The following AGAP1 variants were observed in gnomAD, a reference collection of about 807,000 sequenced individuals.
The protein encoded by AGAP1 is arf-GAP with GTPase, ANK repeat and PH domain-containing protein 1.
Under a neutral mutation model 105.3 loss-of-function variants are expected in AGAP1, and 29 were observed. The ratio of observed to expected loss-of-function variants is 0.28; its 90% CI spans 0.21 to 0.38. The LOEUF (loss-of-function observed/expected upper bound fraction) is 0.38, where lower values mean the gene tolerates loss of function less well. Among genes scored for constraint, AGAP1 ranks in the 10% least tolerant of loss-of-function variants. AGAP1 has a pLI of 1.00. For synonymous variants in AGAP1, 509 were observed against 485.9 expected (o/e 1.05, Z -0.63); for missense variants, 998 against 1,165.1 (o/e 0.86, Z 2.09).
chr2:235,670,816 G>A (rs1948367070), intron 1 of AGAP1: 4 of 1,424,430 alleles, frequency 2.8e-6, no homozygotes, highest in Non-Finnish European at 3.7e-6. Flanking sequence ...ACCGCACGCT[G>A]GACAACAGCG....
chr2:235,741,976 A>G lies in AGAP1; in HGVS notation c.396+928A>G, dbSNP rs1392811929. Among the ~76,000 whole-genome samples the G allele has an allele frequency of 6.6e-6, 1 of 151,936 alleles. No homozygotes were observed. Among genetic ancestry groups the G allele is most frequent in the Non-Finnish European group, 1.5e-5 (1 of 67,976 alleles). ...CACCATGTTAGCCAGGATGGTCTCG[A>G]TCTCCTGACCTCGTGATCCACTCAC... is the stretch of plus-strand genomic sequence containing the variant. On this transcript the variant is annotated intron_variant, in intron 4 of 17. Transcript: ENST00000304032. This position sits in a 1 kb window ranked among gnomAD's most constrained non-coding sequence, Gnocchi z 4.9.
intron 9 of AGAP1, among the ~76,000 whole-genome samples, chr2:235,808,626 G>A (rs1434318893): frequency 1.3e-5 from 2 of 152,160 alleles, no homozygotes; most frequent in Admixed American, 1.3e-4. Flanking sequence ...CCGGGAGCAA[G>A]CTTTCTCCTT....
At chr2:235,863,583 C>T (rs2049023447) in intron 9 of AGAP1, among the ~76,000 whole-genome samples, 1 of 152,174 alleles carries the variant, frequency 6.6e-6, no homozygotes, top group Non-Finnish European at 1.5e-5. Context: ...TTCAGCTGAC[C>T]AGGGGACAGA....
rs1435238911 is a variant in AGAP1, at chr2:235,879,964, A to G, written c.1051-3381A>G. Among the ~76,000 whole-genome samples, 1 of 152,000 alleles carries G rather than the reference A, an allele frequency of 6.6e-6. No individual in the cohort carries two copies. Among genetic ancestry groups the G allele is most frequent in the Non-Finnish European group, 1.5e-5 (1 of 68,008 alleles). On this transcript the variant is annotated intron_variant, in intron 9 of 17. Transcript: ENST00000304032. This position sits in a 1 kb window ranked among gnomAD's most constrained non-coding sequence, Gnocchi z 5.0. Reference sequence around the variant, plus strand: ...TACAAAAAACAGAAATAAAAAAATTAGCCGAACAGGATGGCACACGCCTGT... The same window carrying G: ...TACAAAAAACAGAAATAAAAAAATTGGCCGAACAGGATGGCACACGCCTGT...
At chr2:235,703,185 C>T (rs1012935230) in intron 1 of AGAP1, among the ~76,000 whole-genome samples, 1 of 152,040 alleles carries the variant, frequency 6.6e-6, no homozygotes, top group Non-Finnish European at 1.5e-5. Context: ...GCCTCAGCCT[C>T]ACAAAGTGCT....
chr2:235,602,536 C>T lies in AGAP1; in HGVS notation c.164-106643C>T, dbSNP rs78585893. Among the ~76,000 whole-genome samples the T allele has an allele frequency of 1.1e-4, 16 of 152,300 alleles. No homozygotes were observed. In the East Asian group the frequency reaches 1.5e-3, roughly 15 times the overall value. On this transcript the variant is annotated intron_variant, in intron 1 of 17. Coordinates refer to ENST00000304032, the MANE Select transcript of AGAP1 (RefSeq NM_001037131.3). ...CCAGCCCCAGGGCCTTTGCATTAGC[C>T]GTGCCCTCTGCCTGAGTGCCCTTCC...
At position 235,599,451 on chromosome 2, in the gene AGAP1, C is replaced by T. The variant is rs991332916; in HGVS notation, c.163+104602C>T. Among the ~76,000 whole-genome samples, 10 of 152,090 alleles carry T rather than the reference C, an allele frequency of 6.6e-5. No homozygotes were observed. Among genetic ancestry groups the T allele is most frequent in the South Asian group, 2.1e-4 (1 of 4,824 alleles). On this transcript the variant is annotated intron_variant, in intron 1 of 17. Transcript: ENST00000304032. This position sits in a 1 kb window ranked among gnomAD's most constrained non-coding sequence, Gnocchi z 5.3. ...GAAGTATTTGCATGAATTAGCCACA[C>T]GCAGAGGGCAGTTATGTGTGATGTG... is the stretch of plus-strand genomic sequence containing the variant.
rs773535965 is a variant in AGAP1 at position 235,551,058 on chromosome 2, G to A, written c.163+56209G>A. Among the ~76,000 whole-genome samples the A allele has an allele frequency of 5.3e-5, 8 of 152,028 alleles. No individual in the cohort carries two copies. Among genetic ancestry groups the A allele is most frequent in the Non-Finnish European group, 1.2e-4 (8 of 68,016 alleles). On this transcript the variant is annotated intron_variant, in intron 1 of 17. Transcript: ENST00000304032. This position sits in a 1 kb window ranked among gnomAD's most constrained non-coding sequence, Gnocchi z 4.8. ...GAAAGTGCTGGGATTACAGGCGTGA[G>A]CCACCGCGCTCGGCCATAGATAGTG...
chr2:236,107,049 G>A (rs908069519), intron 16 of AGAP1, among the ~76,000 whole-genome samples: 1 of 152,218 alleles, frequency 6.6e-6, no homozygotes, highest in Admixed American at 6.5e-5. Flanking sequence ...CTTGCTGGCA[G>A]GCAGCTCTCT....
In AGAP1 at chr2:235,615,215, C is replaced by T. The variant is rs537655652; in HGVS notation, c.164-93964C>T. On this transcript the variant is annotated intron_variant, in intron 1 of 17. Transcript: ENST00000304032. The surrounding 1 kb of genome is among the most constrained non-coding windows in gnomAD (Gnocchi z 5.0). ...CCAGCCAGCTTGCACGGTCCAGGGA[C>T]GTCCCCACCCTCGGTTGGGTTGTCC... 1.3e-5 allele frequency among the ~76,000 whole-genome samples: 2 copies of T among 152,324 alleles called. No individual in the cohort carries two copies. The highest frequency in any genetic ancestry group is 3.9e-4 in the East Asian group (2 of 5,176).
intron 4 of AGAP1, among the ~76,000 whole-genome samples, chr2:235,743,768 C>G (rs958922232): frequency 3.9e-5 from 6 of 152,204 alleles, no homozygotes; most frequent in Admixed American, 3.3e-4. Flanking sequence ...TTAGGGAAAG[C>G]AGACGGGATG....
At chr2:235,711,840 G>C (rs1950873403) in intron 2 of AGAP1, among the ~76,000 whole-genome samples, 1 of 152,160 alleles carries the variant, frequency 6.6e-6, no homozygotes, top group African/African-American at 2.4e-5. Flanking sequence ...TGGCACTTTA[G>C]GTCAGCGTCT....
At position 235,973,780 on chromosome 2, in the gene AGAP1, C is replaced by A. The variant is rs1488790172; in HGVS notation, c.1645+5157C>A. ...GCCACCTGAGAGGGAGTGACCCCGA[C>A]CCTGCATGGGGTCGGCATGGGTTGG... On this transcript the variant is annotated intron_variant, in intron 13 of 17. Transcript: ENST00000304032. This position sits in a 1 kb window ranked among gnomAD's most constrained non-coding sequence, Gnocchi z 4.7. 1.3e-5 allele frequency among the ~76,000 whole-genome samples: 2 copies of A among 152,168 alleles called. No homozygotes were observed. Among genetic ancestry groups the A allele is most frequent in the Admixed American group, 1.3e-4 (2 of 15,278 alleles).
chr2:236,036,423 C>T lies in AGAP1; in HGVS notation c.1646-138C>T, dbSNP rs2057383671. On this transcript the variant is annotated intron_variant, in intron 13 of 17. Transcript: ENST00000304032. The surrounding 1 kb of genome is among the most constrained non-coding windows in gnomAD (Gnocchi z 5.7). ...GTGCATGGATTCAAATCTCCGCCGCCGTGGTTGTCCAGTGCCGTGCGCCTC... is the reference window on the plus strand; with the variant it reads ...GTGCATGGATTCAAATCTCCGCCGCTGTGGTTGTCCAGTGCCGTGCGCCTC... The T allele has an allele frequency of 4.4e-6, 5 of 1,139,484 alleles. No individual in the cohort carries two copies. Among genetic ancestry groups the T allele is most frequent in the African/African-American group, 1.6e-5 (1 of 64,228 alleles). The allele number at this position is 1,139,484 out of a possible 1,614,324, so 70.6% of individuals were successfully genotyped here.
chr2:235,519,905 C>T (rs967132467), intron 1 of AGAP1, among the ~76,000 whole-genome samples: 1 of 152,156 alleles, frequency 6.6e-6, no homozygotes, highest in Non-Finnish European at 1.5e-5. Context: ...GCCTCAGCCT[C>T]CTGAGTAGCT....
chr2:236,011,932 T>G (rs949805740), intron 13 of AGAP1, among the ~76,000 whole-genome samples: 8 of 151,892 alleles, frequency 5.3e-5, no homozygotes, highest in Non-Finnish European at 8.8e-5. Flanking sequence ...TCAAAGTGAT[T>G]CCAGGCAGCA....
chr2:235,575,637 A>G (rs1231926714), intron 1 of AGAP1, among the ~76,000 whole-genome samples: 5 of 152,250 alleles, frequency 3.3e-5, no homozygotes, highest in African/African-American at 9.6e-5. Flanking sequence ...AAACTCAGAC[A>G]TGCGCCCTGG....
intron 1 of AGAP1, among the ~76,000 whole-genome samples, chr2:235,521,899 T>C (rs1052287755): frequency 6.6e-6 from 1 of 152,144 alleles, no homozygotes; most frequent in South Asian, 2.1e-4. Flanking sequence ...GTAATGTGCA[T>C]GTAGTTTCGC....
intron 16 of AGAP1, among the ~76,000 whole-genome samples, chr2:236,059,995 G>A (rs955562265): frequency 3.3e-5 from 5 of 152,290 alleles, no homozygotes; most frequent in African/African-American, 9.6e-5. Context: ...GGAGGCTGAG[G>A]TAGAATAATC....
Sources: allele counts gnomAD v4.1 joint callset (sites outside exome capture counted in the v4.1 genomes callset), GRCh38; gene constraint gnomAD v4.1.1; non-coding constraint Gnocchi (gnomAD v3.1); transcripts MANE v1.5; gene names NCBI Gene and HGNC (gene_info 2026-07-23, HGNC 2026-07-21).